Variants in EGFR observed in about 807,000 individuals in gnomAD.
EGFR encodes the protein epidermal growth factor receptor, also known as avian erythroblastic leukemia viral (v-erb-b) oncogene homolog.
A neutral mutation model predicts 143.0 loss-of-function variants in EGFR; 58 were observed. The observed-to-expected ratio is 0.41, with a 90% CI of 0.33 to 0.50. The LOEUF (loss-of-function observed/expected upper bound fraction) is 0.50, where lower values mean the gene tolerates loss of function less well. Among genes scored for constraint, EGFR ranks in the 20% least tolerant of loss-of-function variants. EGFR has a pLI of 0.39. For missense variants in EGFR, 1,307 were observed against 1,579.0 expected, an observed-to-expected ratio of 0.83 and a Z score of 2.92; for synonymous variants, 613 against 594.4, an observed-to-expected ratio of 1.03 and a Z score of -0.45.
chr7:55,102,334 A>G (rs1485334855), intron 1 of EGFR, among the ~76,000 whole-genome samples: 2 of 151,808 alleles, frequency 1.3e-5, no homozygotes, highest in African/African-American at 4.8e-5. Flanking sequence ...GCCACCTTCG[A>G]CCTCCAGCAG....
intron 1 of EGFR, among the ~76,000 whole-genome samples, chr7:55,088,799 C>T (rs932357272): frequency 1.6e-4 from 24 of 152,300 alleles, no homozygotes; most frequent in African/African-American, 4.6e-4. Flanking sequence ...GTCCCTTTGA[C>T]GATGAAAACA....
In EGFR at chr7:55,142,299, G is replaced by T. The variant is rs148679319; in HGVS notation, c.102G>T (p.Thr34=). The T allele has an allele frequency of 6.2e-7, 1 of 1,614,052 alleles. No individual in the cohort carries two copies. The highest frequency in any genetic ancestry group is 1.3e-5 in the African/African-American group (1 of 74,922). Residue 34 remains threonine, a synonymous_variant, in exon 2 of 28, where the codon ACG becomes ACT. Transcript: ENST00000275493. ...ALEEKKVCQG[T]SNKLTQLGTF... ...TTTTTCTTCCAGTTTGCCAAGGCACGAGTAACAAGCTCACGCAGTTGGGCA... is the reference window on the plus strand; with the variant it reads ...TTTTTCTTCCAGTTTGCCAAGGCACTAGTAACAAGCTCACGCAGTTGGGCA...
chr7:55,100,448 G>C (rs1407920857), intron 1 of EGFR, among the ~76,000 whole-genome samples: 1 of 152,206 alleles, frequency 6.6e-6, no homozygotes, highest in Admixed American at 6.5e-5. Context: ...TCAGGATTTG[G>C]GTGCAGCCTC....
intron 1 of EGFR, among the ~76,000 whole-genome samples, chr7:55,105,961 G>A (rs1792099860): frequency 6.6e-6 from 1 of 152,170 alleles, no homozygotes; most frequent in South Asian, 2.1e-4. Flanking sequence ...AAAATTTTAA[G>A]CATAACATGA....
rs3735062 is a variant in EGFR, at chr7:55,085,544, G to A, written c.89-56742G>A. On this transcript the variant is annotated intron_variant, in intron 1 of 27. Transcript: ENST00000275493. ...AGTATTATCATGAAAACCTAACAAT[G>A]TAGAAAGACTAAAGCACATGGGTGG... Among the ~76,000 whole-genome samples the A allele has an allele frequency of 6.6e-3, 1,008 of 152,296 alleles. 51 individuals are homozygous for A. The South Asian group carries it at 0.13, about 19-fold the overall frequency.
Position 55,151,318 on chromosome 7 carries a change from C to G in EGFR, c.584C>G (p.Pro195Arg), listed in dbSNP as rs2128932514. 1 of 1,614,132 alleles carries G rather than the reference C, an allele frequency of 6.2e-7. No individual in the cohort carries two copies. Among genetic ancestry groups the G allele is most frequent in the East Asian group, 2.2e-5 (1 of 44,884 alleles). Residue 195 changes from proline (P) to arginine (R), a missense_variant, in exon 5 of 28, where the codon CCC (proline) becomes CGC (arginine). Pro to Arg is a moderately radical substitution (Grantham distance 103). Coordinates refer to ENST00000275493, the MANE Select transcript of EGFR (RefSeq NM_005228.5). Reference sequence around the variant, plus strand: ...GGCCAAAAGTGTGATCCAAGCTGTCCCAATGGGAGCTGCTGGGGTGCAGGA... The same window carrying G: ...GGCCAAAAGTGTGATCCAAGCTGTCGCAATGGGAGCTGCTGGGGTGCAGGA... Reference protein sequence around the residue: ...GSCQKCDPSCPNGSCWGAGEE... With the variant: ...GSCQKCDPSCRNGSCWGAGEE...
At chr7:55,058,095 T>C (rs1788936990) in intron 1 of EGFR, among the ~76,000 whole-genome samples, 1 of 152,202 alleles carries the variant, frequency 6.6e-6, no homozygotes, top group Non-Finnish European at 1.5e-5. Context: ...ATAGAAATCA[T>C]TCTATTATAA....
chr7:55,107,711 C>A (rs1584055468), intron 1 of EGFR, among the ~76,000 whole-genome samples: 1 of 152,198 alleles, frequency 6.6e-6, no homozygotes, highest in East Asian at 1.9e-4. Context: ...GAGGACAGAA[C>A]AATATTTGCA....
chr7:55,141,484 T>C (rs1794455125), intron 1 of EGFR, among the ~76,000 whole-genome samples: 2 of 152,178 alleles, frequency 1.3e-5, no homozygotes, highest in Admixed American at 6.5e-5. Flanking sequence ...TAACTGTGCC[T>C]CCGCCTGTGC....
rs1794076290 is a variant in EGFR at position 55,135,355 on chromosome 7, A to G, written c.89-6931A>G. On this transcript the variant is annotated intron_variant, in intron 1 of 27. Transcript: ENST00000275493. ...GCTTGGCATGTTTAGTCCAGAAGGC[A>G]TATTATAATGTACATGGAAGATTGT... Among the ~76,000 whole-genome samples, 3 of 151,966 alleles carry G rather than the reference A, an allele frequency of 2.0e-5. No individual in the cohort carries two copies. In the South Asian group the frequency reaches 6.2e-4, roughly 32 times the overall value.
At position 55,198,816 on chromosome 7, in the gene EGFR, C is replaced by T. The variant is rs1562803717; in HGVS notation, c.2801C>T (p.Pro934Leu). 4 of 1,614,242 alleles carry T rather than the reference C, an allele frequency of 2.5e-6. No homozygotes were observed. The highest frequency in any genetic ancestry group is 3.4e-6 in the Non-Finnish European group (4 of 1,180,038). Residue 934 changes from proline (P) to leucine (L), a missense_variant, in exon 23 of 28, where the codon CCT becomes CTT. Around this residue, in one of 7 missense-constraint regions of EGFR, gnomAD observed 348 missense variants for 451.5 expected, o/e 0.77. Transcript: ENST00000275493. Reference protein sequence around the residue: ...SSILEKGERLPQPPICTIDVY... With the variant: ...SSILEKGERLLQPPICTIDVY... ...ATCCTGGAGAAAGGAGAACGCCTCCCTCAGCCACCCATATGTACCATCGAT... is the reference window on the plus strand; with the variant it reads ...ATCCTGGAGAAAGGAGAACGCCTCCTTCAGCCACCCATATGTACCATCGAT...
At chr7:55,178,039 G>A (rs1398169643) in intron 19 of EGFR, among the ~76,000 whole-genome samples, 3 of 152,206 alleles carry the variant, frequency 2.0e-5, no homozygotes, top group Non-Finnish European at 1.5e-5. Flanking sequence ...TCCAGGCTCT[G>A]TGTGGCCGAC....
In EGFR at chr7:55,074,826, A is replaced by G. The variant is rs1319846412; in HGVS notation, c.88+55461A>G. ...TAATGCTTAACCTGTCATTCTAATT[A>G]CCAAGCACGGTGTTCTCTTTGGAAG... On this transcript the variant is annotated intron_variant, in intron 1 of 27. Coordinates refer to ENST00000275493, the MANE Select transcript of EGFR (RefSeq NM_005228.5). Among the ~76,000 whole-genome samples, 2 of 152,256 alleles carry G rather than the reference A, an allele frequency of 1.3e-5. 1 individual carries two copies. Among genetic ancestry groups the G allele is most frequent in the Non-Finnish European group, 2.9e-5 (2 of 68,040 alleles).
intron 1 of EGFR, among the ~76,000 whole-genome samples, chr7:55,027,989 AAAATATATATATAT>A (rs1300411928): frequency 2.7e-5 from 2 of 74,036 alleles, no homozygotes; most frequent in African/African-American, 1.1e-4. Context: ...AAAAAAAAAA[AAAATATATATATAT>A]ATATATATAT....
At chr7:55,088,834 A>G (rs765050069) in intron 1 of EGFR, among the ~76,000 whole-genome samples, 1 of 152,172 alleles carries the variant, frequency 6.6e-6, no homozygotes, top group Non-Finnish European at 1.5e-5. Context: ...CTGGCCATCC[A>G]GCCTCCCTGC....
intron 1 of EGFR, among the ~76,000 whole-genome samples, chr7:55,111,045 G>T (rs1445891746): frequency 6.6e-6 from 1 of 152,146 alleles, no homozygotes; most frequent in African/African-American, 2.4e-5. Flanking sequence ...TTATATCCCA[G>T]GAACTGATTC....
Position 55,055,032 on chromosome 7 carries a change from C to G in EGFR, c.88+35667C>G, listed in dbSNP as rs1278637105. ...GGCACCTGAGTCACACATCTGGAGC[C>G]ATCCTGGACTGCCTCATTTCCCCGA... On this transcript the variant is annotated intron_variant, in intron 1 of 27. Transcript: ENST00000275493. Among the ~76,000 whole-genome samples the G allele has an allele frequency of 2.6e-5, 4 of 152,236 alleles. No individual in the cohort carries two copies. In the South Asian group the frequency reaches 6.2e-4, roughly 24 times the overall value.
chr7:55,077,082 T>C (rs553733385), intron 1 of EGFR, among the ~76,000 whole-genome samples: 1 of 152,196 alleles, frequency 6.6e-6, no homozygotes, highest in East Asian at 1.9e-4. Context: ...TACTAATGGA[T>C]GAGTTGGTAA....
At chr7:55,043,298 G>A (rs767621146) in intron 1 of EGFR, among the ~76,000 whole-genome samples, 2 of 152,114 alleles carry the variant, frequency 1.3e-5, no homozygotes, top group Non-Finnish European at 2.9e-5. Flanking sequence ...GAACCTTTTG[G>A]TTGTCACACT....
Sources: gnomAD v4.1 joint callset for allele counts (sites outside exome capture counted in the v4.1 genomes callset) on GRCh38, gnomAD v4.1.1 for gene constraint, gnomAD v4.1.1 regional missense constraint, MANE v1.5 for transcripts, NCBI Gene and HGNC (gene_info 2026-07-23, HGNC 2026-07-21) for gene names.